DPP6: variants seen among roughly 807,000 people sequenced by gnomAD.
DPP6 encodes the protein A-type potassium channel modulatory protein DPP6.
In DPP6, 69 loss-of-function variants were observed where a neutral mutation model predicts 122.6. That is an observed-to-expected ratio of 0.56 (90% CI 0.46 to 0.69). DPP6 has a LOEUF of 0.69. DPP6 is among the 30% of genes least tolerant of loss of function. The probability of loss-of-function intolerance (pLI) is 0.00; values close to 1 mark genes in which losing one functional copy is unlikely to be tolerated. For missense variants in DPP6, 928 were observed against 1,116.9 expected, an observed-to-expected ratio of 0.83 and a Z score of 2.41; for synonymous variants, 418 against 433.1, an observed-to-expected ratio of 0.97 and a Z score of 0.43.
chr7:154,695,908 G>A (rs577500701), intron 7 of DPP6, among the ~76,000 whole-genome samples: 4 of 152,194 alleles, frequency 2.6e-5, no homozygotes, highest in African/African-American at 9.7e-5. Context: ...CAAGCGGACC[G>A]TGCTGAGACA....
the DPP6 span, among the ~76,000 whole-genome samples, chr7:153,802,231 G>A: frequency 6.6e-6 from 1 of 152,124 alleles, no homozygotes; most frequent in African/African-American, 2.4e-5. Flanking sequence ...CCTTACCTCT[G>A]ACAAGGGAAT....
At chr7:154,469,151 T>G (rs1264033840) in intron 2 of DPP6, among the ~76,000 whole-genome samples, 2 of 152,142 alleles carry the variant, frequency 1.3e-5, no homozygotes, top group Non-Finnish European at 2.9e-5. Flanking sequence ...AGTTCATTGA[T>G]AGTAGCTCCT....
chr7:154,640,626 C>T (rs1332340220), intron 6 of DPP6, among the ~76,000 whole-genome samples: 3 of 152,132 alleles, frequency 2.0e-5, no homozygotes, highest in Admixed American at 2.0e-4. Flanking sequence ...AGGCCTGGAG[C>T]TTCGTGACCC....
intron 20 of DPP6, among the ~76,000 whole-genome samples, chr7:154,878,482 G>C (rs947085092): frequency 6.6e-6 from 1 of 152,234 alleles, no homozygotes; most frequent in African/African-American, 2.4e-5. Context: ...CCAAGCCATA[G>C]AAAGCCTCCC....
the DPP6 span, among the ~76,000 whole-genome samples, chr7:153,778,478 C>G: frequency 1.3e-5 from 2 of 151,174 alleles, no homozygotes; most frequent in Non-Finnish European, 2.9e-5. Context: ...TTACTCAGAT[C>G]TTGTATTTTG....
chr7:154,482,961 C>T (rs554796690), intron 3 of DPP6, among the ~76,000 whole-genome samples: 1 of 152,192 alleles, frequency 6.6e-6, no homozygotes, highest in South Asian at 2.1e-4. Flanking sequence ...GAGTGGAAGT[C>T]TATGAGCAAT....
chr7:154,822,270 C>T (rs1799843911), intron 16 of DPP6, among the ~76,000 whole-genome samples: 1 of 152,178 alleles, frequency 6.6e-6, no homozygotes, highest in South Asian at 2.1e-4. Flanking sequence ...GTCTAAACAG[C>T]AGAAATTTAT....
chr7:154,172,840 A>G (rs1585548402), intron 1 of DPP6, among the ~76,000 whole-genome samples: 1 of 152,258 alleles, frequency 6.6e-6, no homozygotes, highest in East Asian at 1.9e-4. Context: ...AGTTCAAGCC[A>G]TCCAACTGCC....
At chr7:154,545,781 T>C (rs1829136523) in intron 4 of DPP6, among the ~76,000 whole-genome samples, 1 of 152,214 alleles carries the variant, frequency 6.6e-6, no homozygotes, top group Non-Finnish European at 1.5e-5. Context: ...TAAGAACAGT[T>C]CTCTGGCTTA....
intron 1 of DPP6, among the ~76,000 whole-genome samples, chr7:153,967,773 A>G (rs889541704): frequency 2.0e-5 from 3 of 152,026 alleles, no homozygotes; most frequent in Non-Finnish European, 4.4e-5. Flanking sequence ...GCTCACGTCT[A>G]GGGTTGCTAG....
chr7:153,865,354 A>AT, the DPP6 span, among the ~76,000 whole-genome samples: 1 of 152,136 alleles, frequency 6.6e-6, no homozygotes, highest in East Asian at 1.9e-4. Context: ...TATTTTTTAG[A>AT]TTTTAATGAA....
At chr7:153,885,445 C>T (rs765651406), upstream of DPP6, among the ~76,000 whole-genome samples, 1 of 151,856 alleles carries the variant, frequency 6.6e-6, no homozygotes, top group Non-Finnish European at 1.5e-5. Flanking sequence ...GAGCCATCAC[C>T]CTGATAAAAG....
At chr7:154,651,856 G>A (rs1020330383) in intron 6 of DPP6, among the ~76,000 whole-genome samples, 2 of 152,146 alleles carry the variant, frequency 1.3e-5, no homozygotes, top group Non-Finnish European at 2.9e-5. Flanking sequence ...AGGATGCTGG[G>A]CGGTTTTCTC....
intron 5 of DPP6, among the ~76,000 whole-genome samples, chr7:154,577,849 A>G (rs1016750401): frequency 1.3e-5 from 2 of 152,340 alleles, no homozygotes; most frequent in Admixed American, 1.3e-4. Flanking sequence ...AGCAATTAAT[A>G]TAGACCCAGT....
chr7:154,756,082 C>T (rs529697698), intron 8 of DPP6, among the ~76,000 whole-genome samples: 30 of 152,354 alleles, frequency 2.0e-4, no homozygotes, highest in Non-Finnish European at 3.4e-4. Context: ...TCATCTGCTC[C>T]AACCCCCTAG....
intron 1 of DPP6, among the ~76,000 whole-genome samples, chr7:154,036,973 A>G (rs559247750): frequency 1.3e-5 from 2 of 152,216 alleles, no homozygotes; most frequent in Non-Finnish European, 2.9e-5. Context: ...ATCCCAAGGC[A>G]AAAGGAAATT....
At chr7:153,832,235 A>G in the DPP6 span, among the ~76,000 whole-genome samples, 24 of 152,332 alleles carry the variant, frequency 1.6e-4, no homozygotes, top group African/African-American at 5.8e-4. Context: ...TTATATTACC[A>G]ACCACATACA....
chr7:154,598,431 A>C (rs774167149), intron 5 of DPP6, among the ~76,000 whole-genome samples: 7 of 152,300 alleles, frequency 4.6e-5, no homozygotes, highest in Middle Eastern at 3.4e-3. Flanking sequence ...GCCATTGTGT[A>C]GATCCCAAAT....
chr7:154,577,293 C>CCTGCATGG (rs1831747667), intron 5 of DPP6, among the ~76,000 whole-genome samples: 2 of 152,178 alleles, frequency 1.3e-5, no homozygotes, highest in Non-Finnish European at 2.9e-5. Context: ...TTAGAAAGAG[C>CCTGCATGG]CTGCATGGAA....
Sources: gnomAD v4.1 joint callset for allele counts (sites outside exome capture counted in the v4.1 genomes callset) on GRCh38, gnomAD v4.1.1 for gene constraint, MANE v1.5 for transcripts, NCBI Gene and HGNC (gene_info 2026-07-23, HGNC 2026-07-21) for gene names.